NGEF: variants seen among roughly 807,000 people sequenced by gnomAD.
The protein encoded by NGEF is ephexin-1.
NGEF carries 31 observed loss-of-function variants against 80.9 expected under a neutral mutation model. That is an observed-to-expected ratio of 0.38 (90% CI 0.29 to 0.52). NGEF has a LOEUF of 0.52. Ranked by LOEUF, NGEF falls within the 20% of genes least tolerant of loss-of-function variation. The pLI is 0.84. For missense variants in NGEF, 709 were observed against 926.2 expected (o/e 0.77, Z 3.04); for synonymous variants, 371 against 370.2 (o/e 1.00, Z -0.03).
intron 5 of NGEF, among the ~76,000 whole-genome samples, chr2:232,898,369 G>T (rs1246709574): frequency 6.6e-6 from 1 of 152,178 alleles, no homozygotes; most frequent in African/African-American, 2.4e-5. Context: ...CTGATCTTCA[G>T]GGCCAGGGGA....
intron 3 of NGEF, among the ~76,000 whole-genome samples, chr2:232,965,541 C>G (rs932897666): frequency 7.9e-5 from 12 of 152,024 alleles, no homozygotes; most frequent in Non-Finnish European, 1.6e-4. Context: ...GGGTGAGGAC[C>G]CCGGGAGTCT....
Position 232,885,325 on chromosome 2 carries a change from C to A in NGEF, c.1392G>T (p.Thr464=). 1 of 1,614,152 alleles carries A rather than the reference C, an allele frequency of 6.2e-7. No homozygotes were observed. The highest frequency in any genetic ancestry group is 8.5e-7 in the Non-Finnish European group (1 of 1,180,022). ...TCTTCTGAATGCTGATCATCTGTTCCGTGCGGCTCATTTTCCTGACGCCCT... is the reference window on the plus strand; with the variant it reads ...TCTTCTGAATGCTGATCATCTGTTCAGTGCGGCTCATTTTCCTGACGCCCT... ...CNEGVRKMSR[T]EQMISIQKKM... Residue 464 remains threonine, a synonymous_variant, in exon 10 of 15, where the codon ACG becomes ACT. Transcript: ENST00000264051.
At chr2:232,928,222 C>T in intron 3 of NGEF, 1 of 957,140 alleles carries the variant, frequency 1.0e-6, no homozygotes, top group Non-Finnish European at 1.2e-6. Flanking sequence ...GAGGGGCGCG[C>T]GCGGCGGGGG....
At chr2:232,981,868 CT>C (rs2106328296) in intron 1 of NGEF, among the ~76,000 whole-genome samples, 1 of 152,358 alleles carries the variant, frequency 6.6e-6, no homozygotes, top group South Asian at 2.1e-4. Flanking sequence ...GGTGAACCCA[CT>C]GGGTGTTTAT....
At chr2:232,988,605 A>G (rs1216046768) in intron 1 of NGEF, among the ~76,000 whole-genome samples, 1 of 152,186 alleles carries the variant, frequency 6.6e-6, no homozygotes, top group African/African-American at 2.4e-5. Flanking sequence ...TGACCCAGCC[A>G]TCTCCGCTGC....
At chr2:232,910,663 T>C (rs1240494624) in intron 5 of NGEF, among the ~76,000 whole-genome samples, 1 of 152,226 alleles carries the variant, frequency 6.6e-6, no homozygotes, top group Non-Finnish European at 1.5e-5. Context: ...GTGCACCATT[T>C]TGTGACCTCA....
At chr2:232,971,072 A>AC (rs11436146) in intron 2 of NGEF, among the ~76,000 whole-genome samples, 89,627 of 152,046 alleles carry the variant, frequency 0.59, 27,627 homozygotes, top group African/African-American at 0.73. Context: ...AAGTCTGCTC[A>AC]CCCGGGGGTG....
At chr2:232,905,801 C>T (rs752164542) in intron 5 of NGEF, 2 of 349,378 alleles carry the variant, frequency 5.7e-6, no homozygotes, top group South Asian at 1.9e-5. Context: ...GCCGCCCCGT[C>T]TGAGAAGTGA....
chr2:232,916,152 A>G (rs776342706), intron 5 of NGEF, among the ~76,000 whole-genome samples: 4 of 152,236 alleles, frequency 2.6e-5, no homozygotes, highest in Non-Finnish European at 5.9e-5. Context: ...CAAAATGGAA[A>G]AAGGATTTTT....
intron 8 of NGEF, among the ~76,000 whole-genome samples, chr2:232,889,778 G>T (rs1448346618): frequency 6.6e-6 from 1 of 152,134 alleles, no homozygotes; most frequent in East Asian, 1.9e-4. Flanking sequence ...TTGGCCTCAT[G>T]CTCCCAAACC....
intron 3 of NGEF, among the ~76,000 whole-genome samples, chr2:232,952,912 G>C (rs1260062122): frequency 1.4e-5 from 2 of 139,248 alleles, no homozygotes; most frequent in Non-Finnish European, 3.0e-5. Context: ...AGGTTGCAGT[G>C]AGCCGAGATC....
chr2:232,879,781 G>A (rs1691430403), intron 14 of NGEF, 102 bp from the exon 15 acceptor site: 1 of 1,126,836 alleles, frequency 8.9e-7, no homozygotes, highest in Non-Finnish European at 1.3e-6. Flanking sequence ...CGGGACACTA[G>A]GGGTCCAGCT....
Position 232,927,031 on chromosome 2 carries a change from C to CG in NGEF, c.526+12dup. On this transcript the variant is annotated intron_variant, in intron 4 of 14. Transcript: ENST00000264051. Reference sequence around the variant, plus strand: ...TTTCCCAAATAAAACCCGGTTACTGCGGAGACACCCACCTATTTGTTCAAT... The same window carrying CG: ...TTTCCCAAATAAAACCCGGTTACTGCGGGAGACACCCACCTATTTGTTCAAT... 1 of 1,613,966 alleles carries CG rather than the reference C, an allele frequency of 6.2e-7. No homozygotes were observed. Among genetic ancestry groups the CG allele is most frequent in the Non-Finnish European group, 8.5e-7 (1 of 1,179,986 alleles).
At chr2:232,880,445 G>A (rs1270249501) in intron 14 of NGEF, among the ~76,000 whole-genome samples, 2 of 152,220 alleles carry the variant, frequency 1.3e-5, no homozygotes, top group Non-Finnish European at 2.9e-5. Flanking sequence ...TGGGCCTTTG[G>A]GAACAGCCCA....
In NGEF at chr2:232,892,763, G is replaced by C. The variant is rs1384916130; in HGVS notation, c.1142+135C>G. The C allele has an allele frequency of 2.1e-6, 2 of 951,630 alleles. No homozygotes were observed. Among genetic ancestry groups the C allele is most frequent in the Non-Finnish European group, 3.2e-6 (2 of 629,062 alleles). The allele number at this position is 951,630 out of a possible 1,614,324, so 58.9% of individuals were successfully genotyped here. ...TCACCAGTATCCCTGGCCAACTCCG[G>C]TGGCTCATGTGGACCTTGGGAACGC... On this transcript the variant is annotated intron_variant, in intron 7 of 14. Coordinates refer to ENST00000264051, the MANE Select transcript of NGEF (RefSeq NM_019850.3). The surrounding 1 kb of genome is among the most constrained non-coding windows in gnomAD (Gnocchi z 4.0).
At chr2:232,994,917 T>C (rs72980032) in intron 1 of NGEF, among the ~76,000 whole-genome samples, 6,022 of 134,030 alleles carry the variant, frequency 0.045, 164 homozygotes, top group Middle Eastern at 0.083. Flanking sequence ...ACACATGTAT[T>C]ATATACATAC....
chr2:232,934,313 G>A (rs1024744291), intron 3 of NGEF, among the ~76,000 whole-genome samples: 3 of 151,208 alleles, frequency 2.0e-5, no homozygotes, highest in East Asian at 1.9e-4. Flanking sequence ...CCTGGTTTGC[G>A]TGGCTTCACT....
chr2:233,004,097 G>A (rs1458410254), intron 1 of NGEF, among the ~76,000 whole-genome samples: 6 of 152,070 alleles, frequency 3.9e-5, no homozygotes, highest in Non-Finnish European at 5.9e-5. Flanking sequence ...TCTCTGTCAC[G>A]ATCATGTCAT....
chr2:232,890,978 A>G, intron 8 of NGEF: 1 of 475,794 alleles, frequency 2.1e-6, no homozygotes, highest in South Asian at 1.5e-5. Flanking sequence ...CTCTGCGTGG[A>G]ATGTTCTTTC....
Sources: gnomAD v4.1 joint callset for allele counts (sites outside exome capture counted in the v4.1 genomes callset) on GRCh38, gnomAD v4.1.1 for gene constraint, Gnocchi (gnomAD v3.1) non-coding constraint, MANE v1.5 for transcripts, NCBI Gene and HGNC (gene_info 2026-07-23, HGNC 2026-07-21) for gene names.